PIGF: variants seen among roughly 807,000 people sequenced by gnomAD.
The protein encoded by PIGF is phosphatidylinositol glycan anchor biosynthesis class F.
In PIGF, 23 loss-of-function variants were observed where a neutral mutation model predicts 26.0. The ratio of observed to expected loss-of-function variants is 0.88; its 90% CI spans 0.64 to 1.25. The LOEUF (loss-of-function observed/expected upper bound fraction) is 1.25, where lower values mean the gene tolerates loss of function less well. PIGF is among the 50% of genes most tolerant of loss of function. The probability of loss-of-function intolerance (pLI) is 0.00; values close to 1 mark genes in which losing one functional copy is unlikely to be tolerated. For synonymous variants in PIGF, 93 were observed against 92.6 expected (o/e 1.00, Z -0.03); for missense variants, 278 against 249.9 (o/e 1.11, Z -0.76).
In PIGF at chr2:46,590,834, A is replaced by G. The variant is rs1257431001; in HGVS notation, c.546+1641T>C. 2.6e-5 allele frequency among the ~76,000 whole-genome samples: 4 copies of G among 152,210 alleles called. No individual in the cohort carries two copies. The East Asian group carries it at 5.8e-4, about 22-fold the overall frequency. On this transcript the variant is annotated intron_variant, in intron 5 of 5. Coordinates refer to ENST00000281382, the MANE Select transcript of PIGF (RefSeq NM_002643.4). ...CACCAAACCTCCAAGGATTTCTCTA[A>G]TATAGTGATGAAGAGTTAAAACAGG...
intron 1 of PIGF, 68 bp from the exon 2 acceptor site, chr2:46,615,253 C>T (rs1448528198): frequency 1.4e-6 from 1 of 704,200 alleles, no homozygotes; most frequent in Non-Finnish European, 2.5e-6. Context: ...AATGTTTTGA[C>T]CCCTAAAAAT....
chr2:46,593,844 A>G (rs1669798019), intron 4 of PIGF, among the ~76,000 whole-genome samples: 1 of 152,226 alleles, frequency 6.6e-6, no homozygotes. Context: ...GCCAATTATT[A>G]CACGCAAAAT....
intron 4 of PIGF, among the ~76,000 whole-genome samples, chr2:46,609,017 G>A (rs1670312993): frequency 1.3e-5 from 2 of 152,182 alleles, no homozygotes; most frequent in East Asian, 1.9e-4. Context: ...ATTGAAGGTG[G>A]CCACTGACTT....
intron 4 of PIGF, among the ~76,000 whole-genome samples, chr2:46,594,041 T>C (rs545435603): frequency 6.6e-6 from 1 of 152,208 alleles, no homozygotes; most frequent in Non-Finnish European, 1.5e-5. Context: ...TTGTAGGGCT[T>C]TATTATTCTT....
chr2:46,593,134 CTT>C (rs71397007), intron 4 of PIGF, among the ~76,000 whole-genome samples: 6 of 132,296 alleles, frequency 4.5e-5, no homozygotes, highest in Non-Finnish European at 4.8e-5. Context: ...ACCAGTCTTT[CTT>C]TTTTTTTTTT....
At chr2:46,605,998 G>C (rs1299139543) in intron 4 of PIGF, among the ~76,000 whole-genome samples, 1 of 152,142 alleles carries the variant, frequency 6.6e-6, no homozygotes, top group South Asian at 2.1e-4. Context: ...TGGAGACTAG[G>C]CTGTTCTCCA....
At chr2:46,596,067 A>T (rs998291264) in intron 4 of PIGF, among the ~76,000 whole-genome samples, 1 of 152,086 alleles carries the variant, frequency 6.6e-6, no homozygotes, top group African/African-American at 2.4e-5. Context: ...ACAAAAAATT[A>T]GCTGGGCGCA....
intron 4 of PIGF, among the ~76,000 whole-genome samples, chr2:46,611,773 A>G (rs1197643379): frequency 6.6e-6 from 1 of 152,182 alleles, no homozygotes; most frequent in African/African-American, 2.4e-5. Flanking sequence ...TCTTATCACA[A>G]AAAAGGCTAA....
rs142301942 is a variant in PIGF, at chr2:46,590,582, T to C, written c.546+1893A>G. On this transcript the variant is annotated intron_variant, in intron 5 of 5. Transcript: ENST00000281382. The stretch of plus-strand genomic sequence containing the variant: ...AAAGCTAATGTCCCATAGTACTTTA[T>C]TTATCAATACTTTCTATTTAGATTT... Among the ~76,000 whole-genome samples, 266 of 152,254 alleles carry C rather than the reference T, an allele frequency of 1.7e-3. 2 individuals carry two copies. Among genetic ancestry groups the C allele is most frequent in the African/African-American group, 6.2e-3 (258 of 41,562 alleles).
intron 4 of PIGF, among the ~76,000 whole-genome samples, chr2:46,611,272 G>T (rs1418403799): frequency 6.6e-6 from 1 of 151,946 alleles, no homozygotes; most frequent in African/African-American, 2.4e-5. Flanking sequence ...CGGATCATGA[G>T]GTCGAGATCA....
intron 5 of PIGF, among the ~76,000 whole-genome samples, chr2:46,591,219 G>A (rs1193112960): frequency 1.3e-5 from 2 of 152,044 alleles, no homozygotes; most frequent in South Asian, 2.1e-4. Flanking sequence ...ATATATGTAA[G>A]TTTTCATTGA....
rs747263045 is a variant in PIGF at position 46,598,529 on chromosome 2, A to ATTTTT, written c.438-5951_438-5947dup. Among the ~76,000 whole-genome samples, 59 of 103,506 alleles carry ATTTTT rather than the reference A, an allele frequency of 5.7e-4. 4 individuals are homozygous for ATTTTT. Among genetic ancestry groups the ATTTTT allele is most frequent in the African/African-American group, 2.5e-3 (55 of 22,402 alleles). The allele number at this position is 103,506 out of a possible 152,430, so 67.9% of individuals were successfully genotyped here. A position where few individuals can be genotyped will look rare whatever the true frequency, so the allele number is the denominator to read the frequency against. On this transcript the variant is annotated intron_variant, in intron 4 of 5. Coordinates refer to ENST00000281382, the MANE Select transcript of PIGF (RefSeq NM_002643.4). ...ATAAACTTTCTTAAAACATTATGAG[A>ATTTTT]TTTTTTTTTTTTTTTTTTTTTTTTA...
rs1044589322 is a variant in PIGF at position 46,589,663 on chromosome 2, T to A, written c.546+2812A>T. On this transcript the variant is annotated intron_variant, in intron 5 of 5. Transcript: ENST00000281382. This position sits in a 1 kb window ranked among gnomAD's most constrained non-coding sequence, Gnocchi z 4.7. The stretch of plus-strand genomic sequence containing the variant: ...CTACAAGGAACACAGAACAAGAATC[T>A]CTTAATACATGTTCTATTTTAGATA... 1.4e-4 allele frequency among the ~76,000 whole-genome samples: 22 copies of A among 151,954 alleles called. No individual in the cohort carries two copies. Among genetic ancestry groups the A allele is most frequent in the African/African-American group, 4.8e-4 (20 of 41,390 alleles).
intron 3 of PIGF, among the ~76,000 whole-genome samples, chr2:46,612,774 G>A (rs954548976): frequency 2.6e-5 from 4 of 152,058 alleles, no homozygotes; most frequent in Non-Finnish European, 5.9e-5. Flanking sequence ...AACATATATT[G>A]GAAACACCTG....
At chr2:46,610,440 G>A (rs1670373869) in intron 4 of PIGF, among the ~76,000 whole-genome samples, 1 of 150,926 alleles carries the variant, frequency 6.6e-6, no homozygotes, top group Non-Finnish European at 1.5e-5. Flanking sequence ...TAATAATGTA[G>A]AAAATGCTTT....
intron 2 of PIGF, chr2:46,614,285 C>G (rs1471035466): frequency 6.6e-6 from 1 of 152,654 alleles, no homozygotes; most frequent in African/African-American, 2.4e-5. Context: ...AAGACCTGAA[C>G]ATCTACAAAG....
At chr2:46,605,147 C>A (rs1428529301) in intron 4 of PIGF, among the ~76,000 whole-genome samples, 1 of 151,838 alleles carries the variant, frequency 6.6e-6, no homozygotes, top group African/African-American at 2.4e-5. Context: ...AATATTTTTG[C>A]TTAAAAGTGA....
At chr2:46,616,635 G>C (rs1670640915) in intron 1 of PIGF, 1 of 154,820 alleles carries the variant, frequency 6.5e-6, no homozygotes, top group African/African-American at 2.4e-5. Context: ...GAGCCTTCGC[G>C]GGCATCGCCG....
chr2:46,597,555 G>A (rs557301173), intron 4 of PIGF, among the ~76,000 whole-genome samples: 15 of 152,170 alleles, frequency 9.9e-5, no homozygotes, highest in Non-Finnish European at 1.8e-4. Flanking sequence ...TGGGATTACA[G>A]GCGCCTGCCA....
Sources: allele counts gnomAD v4.1 joint callset (sites outside exome capture counted in the v4.1 genomes callset), GRCh38; gene constraint gnomAD v4.1.1; non-coding constraint Gnocchi (gnomAD v3.1); transcripts MANE v1.5; gene names NCBI Gene and HGNC (gene_info 2026-07-23, HGNC 2026-07-21).